HDAC9: variants seen among roughly 807,000 people sequenced by gnomAD.
The protein encoded by HDAC9 is histone deacetylase 9.
Under a neutral mutation model 139.4 loss-of-function variants are expected in HDAC9, and 41 were observed. That is an observed-to-expected ratio of 0.29 (90% CI 0.23 to 0.38). HDAC9 has a LOEUF of 0.38. Among genes scored for constraint, HDAC9 ranks in the 10% least tolerant of loss-of-function variants. The pLI is 1.00. For synonymous variants in HDAC9, 517 were observed against 476.2 expected, an observed-to-expected ratio of 1.09 and a Z score of -1.12; for missense variants, 1,147 against 1,297.0, an observed-to-expected ratio of 0.88 and a Z score of 1.78.
chr7:18,216,631 G>A (rs974005482), intron 2 of HDAC9, among the ~76,000 whole-genome samples: 7 of 152,128 alleles, frequency 4.6e-5, no homozygotes, highest in African/African-American at 7.2e-5. Context: ...TATTGATGTC[G>A]TAACTTCATT....
intron 21 of HDAC9, among the ~76,000 whole-genome samples, chr7:18,867,699 T>C (rs1434572253): frequency 1.3e-5 from 2 of 152,290 alleles, no homozygotes; most frequent in Admixed American, 6.5e-5. Context: ...ATCAAATTCA[T>C]ATACTTGAGT....
intron 9 of HDAC9, 38 bp downstream of exon 9, chr7:18,644,831 G>A: frequency 6.4e-7 from 1 of 1,567,808 alleles, no homozygotes; most frequent in South Asian, 1.2e-5. Flanking sequence ...ATCAACCTAA[G>A]CAATATCTTT....
intron 12 of HDAC9, among the ~76,000 whole-genome samples, chr7:18,696,908 G>A (rs778821195): frequency 2.6e-5 from 4 of 151,958 alleles, no homozygotes; most frequent in Non-Finnish European, 5.9e-5. Flanking sequence ...TCACATTCTC[G>A]GTGAGCATCA....
intron 2 of HDAC9, among the ~76,000 whole-genome samples, chr7:18,283,836 G>A (rs1246027982): frequency 6.6e-6 from 1 of 152,138 alleles, no homozygotes; most frequent in Admixed American, 6.5e-5. Flanking sequence ...ATAAATGGCA[G>A]AATCAACCAC....
chr7:18,822,347 T>TTTGTTTG (rs1554367149), intron 17 of HDAC9, among the ~76,000 whole-genome samples: 2 of 149,862 alleles, frequency 1.3e-5, no homozygotes, highest in Non-Finnish European at 3.0e-5. Context: ...TGTTTGTTTG[T>TTTGTTTG]TTGTTGTTGT....
chr7:18,732,931 A>T (rs540671238), intron 13 of HDAC9, among the ~76,000 whole-genome samples: 2 of 74,730 alleles, frequency 2.7e-5, no homozygotes, highest in Non-Finnish European at 5.8e-5. Context: ...ACACGTGTGT[A>T]TGTATGTGTA....
intron 16 of HDAC9, among the ~76,000 whole-genome samples, chr7:18,787,530 T>A (rs1387035728): frequency 6.6e-6 from 1 of 152,200 alleles, no homozygotes; most frequent in Non-Finnish European, 1.5e-5. Context: ...AGTTACATCA[T>A]TAGAAACATT....
intron 12 of HDAC9, among the ~76,000 whole-genome samples, chr7:18,702,007 T>A (rs993944837): frequency 2.0e-5 from 3 of 152,232 alleles, no homozygotes; most frequent in Admixed American, 6.5e-5. Flanking sequence ...TCTCTTTCAC[T>A]CTTTTTCTTA....
chr7:18,866,993 A>G (rs1464792350), intron 21 of HDAC9, among the ~76,000 whole-genome samples: 1 of 152,216 alleles, frequency 6.6e-6, no homozygotes, highest in Non-Finnish European at 1.5e-5. Flanking sequence ...ATCTCATGGA[A>G]AGAAATTTAA....
intron 1 of HDAC9, among the ~76,000 whole-genome samples, chr7:18,395,701 C>G (rs1039382243): frequency 2.6e-5 from 4 of 152,004 alleles, no homozygotes; most frequent in African/African-American, 7.2e-5. Flanking sequence ...TTGACATTGC[C>G]AAGACATATT....
At chr7:18,603,192 T>C (rs1245557729) in intron 6 of HDAC9, among the ~76,000 whole-genome samples, 1 of 152,136 alleles carries the variant, frequency 6.6e-6, no homozygotes, top group Non-Finnish European at 1.5e-5. Flanking sequence ...CTGTGTCTTA[T>C]ATTTAAAGTG....
intron 21 of HDAC9, among the ~76,000 whole-genome samples, chr7:18,856,556 A>G (rs1455075471): frequency 2.0e-5 from 3 of 152,142 alleles, no homozygotes; most frequent in Non-Finnish European, 4.4e-5. Flanking sequence ...GGGCAAAAAG[A>G]AGCCTACAAA....
intron 14 of HDAC9, among the ~76,000 whole-genome samples, chr7:18,754,290 A>G (rs1039573248): frequency 2.6e-5 from 4 of 152,172 alleles, no homozygotes; most frequent in Non-Finnish European, 4.4e-5. Flanking sequence ...CTCTTCAGAA[A>G]CAAGCTATTT....
intron 22 of HDAC9, among the ~76,000 whole-genome samples, chr7:18,882,046 G>A (rs930379666): frequency 3.3e-5 from 5 of 152,160 alleles, no homozygotes; most frequent in Non-Finnish European, 5.9e-5. Flanking sequence ...CTTCTGTGCC[G>A]TGTTTCAAAA....
At chr7:18,442,238 A>G (rs1791848388) in intron 1 of HDAC9, among the ~76,000 whole-genome samples, 1 of 152,196 alleles carries the variant, frequency 6.6e-6, no homozygotes, top group East Asian at 1.9e-4. Context: ...TTTCCGGTCA[A>G]CATTGAGCAT....
chr7:18,208,377 T>TTTA (rs1480029256), intron 2 of HDAC9, among the ~76,000 whole-genome samples: 1 of 150,368 alleles, frequency 6.7e-6, no homozygotes, highest in Non-Finnish European at 1.5e-5. Context: ...AGTATCTTTT[T>TTTA]TTTTTTTTTT....
intron 1 of HDAC9, among the ~76,000 whole-genome samples, chr7:18,477,406 C>CGT (rs879309051): frequency 1.4e-4 from 22 of 152,064 alleles, no homozygotes; most frequent in African/African-American, 5.3e-4. Flanking sequence ...TGCGTGCGTG[C>CGT]ATGCGTGTGT....
At chr7:18,863,058 C>A (rs1420487236) in intron 21 of HDAC9, among the ~76,000 whole-genome samples, 2 of 152,108 alleles carry the variant, frequency 1.3e-5, no homozygotes, top group African/African-American at 4.8e-5. Flanking sequence ...GATTTGGAAC[C>A]AGCTGGACAA....
At chr7:18,643,914 G>T (rs1397807686) in intron 8 of HDAC9, among the ~76,000 whole-genome samples, 1 of 151,968 alleles carries the variant, frequency 6.6e-6, no homozygotes, top group Non-Finnish European at 1.5e-5. Context: ...TTCTGGGAGG[G>T]AGGCAAGAGT....
Sources: gnomAD v4.1 joint callset for allele counts (sites outside exome capture counted in the v4.1 genomes callset) on GRCh38, gnomAD v4.1.1 for gene constraint, MANE v1.5 for transcripts, NCBI Gene and HGNC (gene_info 2026-07-23, HGNC 2026-07-21) for gene names.